The following CDH5 variants were observed in gnomAD, a reference collection of about 807,000 sequenced individuals.
The protein encoded by CDH5 is cadherin-5.
Under a neutral mutation model 62.0 loss-of-function variants are expected in CDH5, and 28 were observed. That is an observed-to-expected ratio of 0.45 (90% CI 0.33 to 0.62). CDH5 has a LOEUF of 0.62. Ranked by LOEUF, CDH5 falls within the 20% of genes least tolerant of loss-of-function variation. The pLI, the probability that CDH5 is intolerant of heterozygous loss-of-function variation, is 0.02. For synonymous variants in CDH5, 464 were observed against 445.8 expected, an observed-to-expected ratio of 1.04 and a Z score of -0.52; for missense variants, 940 against 1,065.1, an observed-to-expected ratio of 0.88 and a Z score of 1.63.
chr16:66,396,326 G>A (rs1352035156), intron 8 of CDH5, 125 bp downstream of exon 8: 4 of 1,158,952 alleles, frequency 3.5e-6, no homozygotes, highest in Non-Finnish European at 3.8e-6. Flanking sequence ...GCACCCGCTG[G>A]TTGGGATGCT....
Position 66,397,976 on chromosome 16 carries a change from C to T in CDH5, c.1361-6C>T. ...CCCATAATGGTGACAGTCTTCTCCC[C>T]TGCAGGAACCCCCACAGGAAAAGAA... On this transcript the variant is annotated splice_polypyrimidine_tract_variant and splice_region_variant and intron_variant, in intron 8 of 11. Coordinates refer to ENST00000341529, the MANE Select transcript of CDH5 (RefSeq NM_001795.5). The T allele has an allele frequency of 6.2e-7, 1 of 1,614,158 alleles. No individual in the cohort carries two copies. Among genetic ancestry groups the T allele is most frequent in the Non-Finnish European group, 8.5e-7 (1 of 1,180,010 alleles).
At chr16:66,401,094 C>G in intron 11 of CDH5, 78 bp downstream of exon 11, 1 of 1,588,516 alleles carries the variant, frequency 6.3e-7, no homozygotes, top group Non-Finnish European at 8.6e-7. Context: ...GGAGGCTTCA[C>G]AGGAAAAGTA....
chr16:66,396,051 C>T lies in CDH5; in HGVS notation c.1218-8C>T. 2 of 1,613,074 alleles carry T rather than the reference C, an allele frequency of 1.2e-6. No homozygotes were observed. The highest frequency in any genetic ancestry group is 1.7e-6 in the Non-Finnish European group (2 of 1,179,842). ...ATGGAAAGCCATGAAACTCTCTCCCCTGGGCAGATACTCCATCCGCAGGAC... is the reference window on the plus strand; with the variant it reads ...ATGGAAAGCCATGAAACTCTCTCCCTTGGGCAGATACTCCATCCGCAGGAC... On this transcript the variant is annotated splice_polypyrimidine_tract_variant and splice_region_variant and intron_variant, in intron 7 of 11. Coordinates refer to ENST00000341529, the MANE Select transcript of CDH5 (RefSeq NM_001795.5).
At position 66,396,158 on chromosome 16, in the gene CDH5, C is replaced by G; in HGVS notation, c.1317C>G (p.Pro439=). 1 of 1,614,176 alleles carries G rather than the reference C, an allele frequency of 6.2e-7. No individual in the cohort carries two copies. The highest frequency in any genetic ancestry group is 8.5e-7 in the Non-Finnish European group (1 of 1,180,004). Residue 439 remains proline, a synonymous_variant, in exon 8 of 12, where the codon CCC becomes CCG. Coordinates refer to ENST00000341529, the MANE Select transcript of CDH5 (RefSeq NM_001795.5). ...NEKELDREVY[P]WYNLTVEAKE... ...AAGAACTGGACAGAGAAGTCTACCC[C>G]TGGTATAACCTGACTGTGGAGGCCA...
intron 4 of CDH5, 118 bp from the exon 5 acceptor site, chr16:66,389,240 C>A: frequency 1.1e-6 from 1 of 947,988 alleles, no homozygotes; most frequent in East Asian, 2.6e-5. Context: ...TTCTCAGCCC[C>A]ATTTGCACAG....
intron 7 of CDH5, 65 bp from the exon 8 acceptor site, chr16:66,395,994 C>A (rs1174675813): frequency 2.0e-6 from 3 of 1,518,020 alleles, no homozygotes; most frequent in Non-Finnish European, 2.7e-6. Flanking sequence ...CCTTGTCCAT[C>A]ATGCTGAGGA....
intron 1 of CDH5, among the ~76,000 whole-genome samples, chr16:66,370,035 T>A (rs192896901): frequency 4.6e-5 from 7 of 152,268 alleles, no homozygotes; most frequent in Admixed American, 3.3e-4. Flanking sequence ...AGTTTTGCTC[T>A]TGTTGTCCAG....
chr16:66,373,067 T>G (rs1236715533), intron 1 of CDH5, among the ~76,000 whole-genome samples: 1 of 152,158 alleles, frequency 6.6e-6, no homozygotes, highest in Non-Finnish European at 1.5e-5. Context: ...ATCAGGCAGT[T>G]GCTGGGCTGC....
At position 66,396,084 on chromosome 16, in the gene CDH5, A is replaced by G. The variant is rs775662318; in HGVS notation, c.1243A>G (p.Lys415Glu). 40 of 1,614,034 alleles carry G rather than the reference A, an allele frequency of 2.5e-5. No homozygotes were observed. In the East Asian group the frequency reaches 8.7e-4, roughly 35 times the overall value. ...ATACTCCATCCGCAGGACCAGTGAC[A>G]AGGGCCAGTTCTTCCGAGTCACAAA... ...IGYSIRRTSD[K>E]GQFFRVTKKG... Residue 415 changes from lysine to glutamate, a missense_variant, in exon 8 of 12, where the codon AAG (lysine) becomes GAG (glutamate). Physicochemically the swap from Lys to Glu is moderately conservative, Grantham distance 56. Transcript: ENST00000341529.
intron 10 of CDH5, among the ~76,000 whole-genome samples, chr16:66,400,231 G>C (rs1460361254): frequency 6.6e-6 from 1 of 152,206 alleles, no homozygotes; most frequent in Non-Finnish European, 1.5e-5. Flanking sequence ...CAAACTGCCT[G>C]GGAAACCCGC....
intron 4 of CDH5, among the ~76,000 whole-genome samples, 182 bp from the exon 5 acceptor site, chr16:66,389,176 C>T (rs1198218434): frequency 1.3e-5 from 2 of 152,184 alleles, no homozygotes; most frequent in Non-Finnish European, 2.9e-5. Flanking sequence ...AACTATTGGG[C>T]CAGCTTTGGC....
chr16:66,369,278 T>C (rs1960641982), intron 1 of CDH5, among the ~76,000 whole-genome samples: 1 of 151,596 alleles, frequency 6.6e-6, no homozygotes, highest in Non-Finnish European at 1.5e-5. Flanking sequence ...GGGCCCAGAG[T>C]AGAGCCAGGA....
intron 2 of CDH5, among the ~76,000 whole-genome samples, chr16:66,383,471 CA>C (rs1381303131): frequency 6.6e-6 from 1 of 152,154 alleles, no homozygotes; most frequent in East Asian, 1.9e-4. Flanking sequence ...TGGATATTCA[CA>C]TGAAATTGTA....
At chr16:66,371,840 CAGACTTCCTAT>C (rs992225191) in intron 1 of CDH5, among the ~76,000 whole-genome samples, 9 of 73,948 alleles carry the variant, frequency 1.2e-4, no homozygotes, top group African/African-American at 6.5e-4. Flanking sequence ...CAGCTGGGTC[CAGACTTCCTAT>C]GTCTTATTTA....
chr16:66,371,924 C>G (rs1596924330), intron 1 of CDH5, among the ~76,000 whole-genome samples: 1 of 152,162 alleles, frequency 6.6e-6, no homozygotes, highest in Admixed American at 6.5e-5. Context: ...CCCCTCCCCG[C>G]CCTTCCCTTC....
chr16:66,395,996 T>C (rs1961177578), intron 7 of CDH5, 63 bp from the exon 8 acceptor site: 1 of 1,551,310 alleles, frequency 6.4e-7, no homozygotes, highest in Non-Finnish European at 8.8e-7. Flanking sequence ...TTGTCCATCA[T>C]GCTGAGGAGT....
At chr16:66,385,462 C>CA in intron 2 of CDH5, among the ~76,000 whole-genome samples, 1 of 152,332 alleles carries the variant, frequency 6.6e-6, no homozygotes, top group East Asian at 1.9e-4. Context: ...CAGAGCTGTA[C>CA]ATTGTAAATC....
rs140776726 is a variant in CDH5 at position 66,373,360 on chromosome 16, A to G, written c.-19-5959A>G. Among the ~76,000 whole-genome samples the G allele has an allele frequency of 2.5e-4, 38 of 151,704 alleles. No homozygotes were observed. The East Asian group carries it at 6.8e-3, about 27-fold the overall frequency. On this transcript the variant is annotated intron_variant, in intron 1 of 11. Coordinates refer to ENST00000341529, the MANE Select transcript of CDH5 (RefSeq NM_001795.5). ...CCTCTGCATCATGATGGGAAGGAAC[A>G]TCTGTCCAACAAGACCCTTCCCTGC...
At chr16:66,384,084 T>C (rs1474756853) in intron 2 of CDH5, among the ~76,000 whole-genome samples, 1 of 135,084 alleles carries the variant, frequency 7.4e-6, no homozygotes, top group African/African-American at 2.9e-5. Flanking sequence ...CAGCCTTTTT[T>C]TTTTTTTTTT....
Sources: allele counts gnomAD v4.1 joint callset (sites outside exome capture counted in the v4.1 genomes callset), GRCh38; gene constraint gnomAD v4.1.1; transcripts MANE v1.5; gene names NCBI Gene and HGNC (gene_info 2026-07-23, HGNC 2026-07-21).